STAG1: variants seen among roughly 807,000 people sequenced by gnomAD.
STAG1 encodes the protein STAG1 cohesin complex component.
STAG1 carries 26 observed loss-of-function variants against 170.9 expected under a neutral mutation model. That is an observed-to-expected ratio of 0.15 (90% CI 0.11 to 0.21). The LOEUF (loss-of-function observed/expected upper bound fraction) is 0.21, where lower values mean the gene tolerates loss of function less well. Ranked by LOEUF, STAG1 falls within the 10% of genes least tolerant of loss-of-function variation. The probability of loss-of-function intolerance (pLI) is 1.00; values close to 1 mark genes in which losing one functional copy is unlikely to be tolerated. For synonymous variants in STAG1, 514 were observed against 497.7 expected, an observed-to-expected ratio of 1.03 and a Z score of -0.44; for missense variants, 964 against 1,509.5, an observed-to-expected ratio of 0.64 and a Z score of 5.99.
chr3:136,457,545 G>A (rs192365752), intron 13 of STAG1, among the ~76,000 whole-genome samples: 9 of 152,094 alleles, frequency 5.9e-5, no homozygotes, highest in East Asian at 1.9e-4. Flanking sequence ...CCATACCAGC[G>A]TTGGCCCCCT....
chr3:136,561,744 G>C, intron 5 of STAG1, among the ~76,000 whole-genome samples: 1 of 151,972 alleles, frequency 6.6e-6, no homozygotes, highest in East Asian at 1.9e-4. Context: ...TTGTGAGGCT[G>C]GGTATCCTTG....
intron 1 of STAG1, among the ~76,000 whole-genome samples, chr3:136,684,063 T>C (rs1576760712): frequency 6.6e-6 from 1 of 152,318 alleles, no homozygotes; most frequent in Non-Finnish European, 1.5e-5. Flanking sequence ...TACATGCTTG[T>C]GGATAGGAAA....
chr3:136,683,584 T>A (rs924696022), intron 1 of STAG1, among the ~76,000 whole-genome samples: 1 of 152,050 alleles, frequency 6.6e-6, no homozygotes, highest in South Asian at 2.1e-4. Flanking sequence ...TTTTTTTTTT[T>A]AAACTACAGA....
At chr3:136,531,361 A>C (rs1262781008) in intron 6 of STAG1, among the ~76,000 whole-genome samples, 2 of 151,220 alleles carry the variant, frequency 1.3e-5, no homozygotes, top group African/African-American at 4.9e-5. Flanking sequence ...GCGATTCCTC[A>C]GGGATCTAGA....
rs1341298215 is a variant in STAG1, at chr3:136,338,233, T to A, written c.*21A>T. The A allele has an allele frequency of 6.4e-7, 1 of 1,572,890 alleles. No homozygotes were observed. Among genetic ancestry groups the A allele is most frequent in the East Asian group, 2.2e-5 (1 of 44,652 alleles). On this transcript the variant is annotated 3_prime_UTR_variant, in exon 34 of 34. Transcript: ENST00000383202. ...TAGCTCTAAATAATAGAGTTCCAGA[T>A]TTGTAAATTTTCTTCAGACTTCAGA... is the stretch of plus-strand genomic sequence containing the variant.
intron 1 of STAG1, among the ~76,000 whole-genome samples, chr3:136,652,278 T>C (rs1357130027): frequency 6.6e-6 from 1 of 152,234 alleles, no homozygotes; most frequent in African/African-American, 2.4e-5. Flanking sequence ...AACGCACTTG[T>C]AGAAAAATTC....
At chr3:136,616,084 C>A (rs1372820927) in intron 3 of STAG1, among the ~76,000 whole-genome samples, 1 of 151,916 alleles carries the variant, frequency 6.6e-6, no homozygotes, top group East Asian at 2.0e-4. Context: ...CTGGTTAACA[C>A]GGTGAAACCC....
At chr3:136,617,533 T>C (rs1057189987) in intron 3 of STAG1, among the ~76,000 whole-genome samples, 2 of 152,220 alleles carry the variant, frequency 1.3e-5, no homozygotes, top group Non-Finnish European at 2.9e-5. Context: ...GAGGAACCAC[T>C]GGAGTCTGAA....
intron 1 of STAG1, among the ~76,000 whole-genome samples, chr3:136,644,077 T>C (rs1008384447): frequency 2.6e-5 from 4 of 152,176 alleles, no homozygotes; most frequent in Non-Finnish European, 5.9e-5. Flanking sequence ...AAGGACACAG[T>C]AAACCACACC....
rs1254440670 is a variant in STAG1 at position 136,527,100 on chromosome 3, C to T, written c.472-5683G>A. 3.9e-5 allele frequency among the ~76,000 whole-genome samples: 6 copies of T among 152,100 alleles called. 1 individual carries two copies. Among genetic ancestry groups the T allele is most frequent in the Non-Finnish European group, 7.4e-5 (5 of 68,018 alleles). Reference sequence around the variant, plus strand: ...AGTTGCTCTTCTCAAGGAGTATCTTCATGACATTCTCTGTATTTCCTGAAT... The same window carrying T: ...AGTTGCTCTTCTCAAGGAGTATCTTTATGACATTCTCTGTATTTCCTGAAT... On this transcript the variant is annotated intron_variant, in intron 6 of 33. Transcript: ENST00000383202.
intron 1 of STAG1, among the ~76,000 whole-genome samples, chr3:136,637,181 T>C (rs1056168346): frequency 3.4e-4 from 51 of 152,152 alleles, no homozygotes; most frequent in African/African-American, 1.1e-3. Flanking sequence ...ATCAAGAAAA[T>C]AAAGTTCCAA....
intron 24 of STAG1, among the ~76,000 whole-genome samples, chr3:136,367,780 T>C (rs530954965): frequency 6.6e-6 from 1 of 152,282 alleles, no homozygotes; most frequent in African/African-American, 2.4e-5. Context: ...TACCATGTTA[T>C]GCACATATAA....
chr3:136,692,784 C>A (rs571302779), intron 1 of STAG1, among the ~76,000 whole-genome samples: 1 of 152,076 alleles, frequency 6.6e-6, no homozygotes, highest in African/African-American at 2.4e-5. Flanking sequence ...AATTATTAAA[C>A]CTTCAGCTTT....
chr3:136,627,399 CTCTG>C (rs766889291), intron 2 of STAG1, among the ~76,000 whole-genome samples: 7 of 152,164 alleles, frequency 4.6e-5, no homozygotes, highest in African/African-American at 7.2e-5. Context: ...TTTTGCATCT[CTCTG>C]TCTCTCTCTC....
At chr3:136,700,776 G>A (rs1036128400) in intron 1 of STAG1, among the ~76,000 whole-genome samples, 5 of 150,736 alleles carry the variant, frequency 3.3e-5, no homozygotes, top group African/African-American at 9.8e-5. Context: ...ATGAATCAAC[G>A]ATCCTGTTCA....
intron 21 of STAG1, among the ~76,000 whole-genome samples, chr3:136,405,823 G>GAAAAAAAAAAAAAAAAAAAAAAAA (rs2087467623): frequency 2.6e-5 from 2 of 78,044 alleles, no homozygotes; most frequent in African/African-American, 4.9e-5. Flanking sequence ...AAAAAAAAAG[G>GAAAAAAAAAAAAAAAAAAAAAAAA]AAAAATGTTA....
intron 13 of STAG1, among the ~76,000 whole-genome samples, chr3:136,459,230 A>G (rs12330800): frequency 0.37 from 55,063 of 150,806 alleles, 11,154 homozygotes; most frequent in African/African-American, 0.53. Context: ...GAAAAAAAAA[A>G]AAAAAAGAAA....
In STAG1 at chr3:136,343,945, G is replaced by A. The variant is rs780137746; in HGVS notation, c.3333C>T (p.Pro1111=). The part of the protein sequence containing the change: ...RTDTMIQTPG[P]LPAPQLTSTV... ...TGGATGTGAGTTGTGGTGCTGGCAGGGGGCCAGGAGTCTGAATCATGGTGT... is the reference window on the plus strand; with the variant it reads ...TGGATGTGAGTTGTGGTGCTGGCAGAGGGCCAGGAGTCTGAATCATGGTGT... The change falls in exon 30 of 34, where the codon CCC becomes CCT. Residue 1111 remains proline (P), a synonymous_variant. Coordinates refer to ENST00000383202, the MANE Select transcript of STAG1 (RefSeq NM_005862.3). 4.3e-6 allele frequency: 7 copies of A among 1,612,218 alleles called. No individual in the cohort carries two copies. The highest frequency in any genetic ancestry group is 5.9e-6 in the Non-Finnish European group (7 of 1,179,212).
chr3:136,448,209 T>A (rs1194098688), intron 14 of STAG1, among the ~76,000 whole-genome samples: 1 of 152,154 alleles, frequency 6.6e-6, no homozygotes, highest in East Asian at 1.9e-4. Flanking sequence ...TGTTACTACT[T>A]CTCATTTCAG....
Sources: gnomAD v4.1 joint callset for allele counts (sites outside exome capture counted in the v4.1 genomes callset) on GRCh38, gnomAD v4.1.1 for gene constraint, MANE v1.5 for transcripts, NCBI Gene and HGNC (gene_info 2026-07-23, HGNC 2026-07-21) for gene names.